PLXNA2: variants seen among roughly 807,000 people sequenced by gnomAD.
PLXNA2 encodes the protein plexin A2.
Under a neutral mutation model 193.5 loss-of-function variants are expected in PLXNA2, and 91 were observed. That is an observed-to-expected ratio of 0.47 (90% confidence interval 0.40 to 0.56). PLXNA2 has a LOEUF of 0.56. Among genes scored for constraint, PLXNA2 ranks in the 20% least tolerant of loss-of-function variants. PLXNA2 has a pLI of 0.00. For synonymous variants in PLXNA2, 997 were observed against 1,027.3 expected, an observed-to-expected ratio of 0.97 and a Z score of 0.56; for missense variants, 1,995 against 2,503.2, an observed-to-expected ratio of 0.80 and a Z score of 4.33.
At chr1:208,110,906 C>T (rs986859256) in intron 4 of PLXNA2, among the ~76,000 whole-genome samples, 4 of 152,188 alleles carry the variant, frequency 2.6e-5, no homozygotes, top group African/African-American at 7.2e-5. Context: ...CAGGTTCACC[C>T]GCCTGACCAC....
At chr1:208,048,154 C>G (rs1161779428) in intron 17 of PLXNA2, among the ~76,000 whole-genome samples, 2 of 152,176 alleles carry the variant, frequency 1.3e-5, no homozygotes, top group East Asian at 3.9e-4. Context: ...CACTCCCAAG[C>G]AAGAGGCCTC....
intron 3 of PLXNA2, among the ~76,000 whole-genome samples, chr1:208,180,583 G>A (rs770647969): frequency 5.9e-5 from 9 of 152,176 alleles, no homozygotes; most frequent in Non-Finnish European, 1.2e-4. Flanking sequence ...CTCTGCATCT[G>A]CTTTATGTTG....
chr1:208,034,997 A>T (rs1468353060), intron 26 of PLXNA2, among the ~76,000 whole-genome samples: 3 of 152,228 alleles, frequency 2.0e-5, no homozygotes, highest in African/African-American at 7.2e-5. Flanking sequence ...TAAATAAAAT[A>T]TGTAACATTA....
At chr1:208,090,821 T>C (rs1666682242) in intron 9 of PLXNA2, among the ~76,000 whole-genome samples, 1 of 152,216 alleles carries the variant, frequency 6.6e-6, no homozygotes, top group Non-Finnish European at 1.5e-5. Flanking sequence ...TCTGAGACTG[T>C]GTCTCATACT....
In PLXNA2 at chr1:208,023,314, T is replaced by C. The variant is rs1463949975; in HGVS notation, c.*3929A>G. The stretch of plus-strand genomic sequence containing the variant: ...CTGGAGCAGCTGCTGGATCAGTATT[T>C]ACCAGGAGCAGGTTAATGGGGGCAG... On this transcript the variant is annotated 3_prime_UTR_variant, in exon 32 of 32. Transcript: ENST00000367033. The C allele has an allele frequency of 1.3e-5, 2 of 152,640 alleles. No individual in the cohort carries two copies. Among genetic ancestry groups the C allele is most frequent in the African/African-American group, 4.8e-5 (2 of 41,444 alleles). 9.5% of individuals were successfully genotyped at this position (152,640 alleles called of 1,614,324 possible). A position where few individuals can be genotyped will look rare whatever the true frequency, so the allele number is the denominator to read the frequency against.
At position 208,098,980 on chromosome 1, in the gene PLXNA2, C is replaced by A; in HGVS notation, c.1608-11G>T. On this transcript the variant is annotated splice_polypyrimidine_tract_variant and intron_variant, in intron 5 of 31. Transcript: ENST00000367033. Reference sequence around the variant, plus strand: ...TCCCTGCGGGAGCACCTGCCATAAACACAGATTCACAAGAGGTCAGGCCTC... The same window carrying A: ...TCCCTGCGGGAGCACCTGCCATAAAAACAGATTCACAAGAGGTCAGGCCTC... 6 of 1,612,474 alleles carry A rather than the reference C, an allele frequency of 3.7e-6. No individual in the cohort carries two copies. Among genetic ancestry groups the A allele is most frequent in the Non-Finnish European group, 5.1e-6 (6 of 1,179,864 alleles).
In PLXNA2 at chr1:208,103,134, A is replaced by G; in HGVS notation, c.1607+13T>C. On this transcript the variant is annotated intron_variant, in intron 5 of 31. Transcript: ENST00000367033. Reference sequence around the variant, plus strand: ...TGCATGCCAAACCCTTTTCCAGTATACCCCAAACTTACATGTTGTGCAGGG... The same window carrying G: ...TGCATGCCAAACCCTTTTCCAGTATGCCCCAAACTTACATGTTGTGCAGGG... 2 of 1,599,316 alleles carry G rather than the reference A, an allele frequency of 1.3e-6. No individual in the cohort carries two copies. The highest frequency in any genetic ancestry group is 1.7e-6 in the Non-Finnish European group (2 of 1,166,948).
At position 208,098,945 on chromosome 1, in the gene PLXNA2, T is replaced by C. The variant is rs769186331; in HGVS notation, c.1632A>G (p.Gln544=). The C allele has an allele frequency of 1.9e-6, 3 of 1,613,196 alleles. No homozygotes were observed. Among genetic ancestry groups the C allele is most frequent in the Non-Finnish European group, 2.5e-6 (3 of 1,179,778 alleles). ...HNMCSRRDKC[Q]QAWEPNRFAA... ...CAAATCGATTAGGTTCCCAGGCCTG[T>C]TGGCATTTGTCCCTGCGGGAGCACC... The change falls in exon 6 of 32, where the codon CAA becomes CAG. Residue 544 remains glutamine (Q), a synonymous_variant. Coordinates refer to ENST00000367033, the MANE Select transcript of PLXNA2 (RefSeq NM_025179.4).
intron 1 of PLXNA2, among the ~76,000 whole-genome samples, chr1:208,218,262 C>T (rs1462840369): frequency 6.6e-6 from 1 of 152,136 alleles, no homozygotes; most frequent in East Asian, 1.9e-4. Context: ...CTATTTCTGG[C>T]CCCTTAAGCC....
rs1380822628 is a variant in PLXNA2 at position 208,217,248 on chromosome 1, G to T, written c.675C>A (p.Leu225=). The stretch of plus-strand genomic sequence containing the variant: ...CCAGGGTGTCTGAAGGGATCTTGAT[G>T]AGAGAGGAGACAAAATCGCTGTGTA... The part of the protein sequence containing the change: ...YELHSDFVSS[L]IKIPSDTLAL... The change falls in exon 2 of 32, where the codon CTC becomes CTA. Residue 225 remains leucine, a synonymous_variant. Coordinates refer to ENST00000367033, the MANE Select transcript of PLXNA2 (RefSeq NM_025179.4). The surrounding 1 kb of genome is among the most constrained non-coding windows in gnomAD (Gnocchi z 4.7). The T allele has an allele frequency of 6.2e-7, 1 of 1,614,056 alleles. No individual in the cohort carries two copies.
At chr1:208,111,847 G>A (rs1187684079) in intron 4 of PLXNA2, among the ~76,000 whole-genome samples, 3 of 152,090 alleles carry the variant, frequency 2.0e-5, no homozygotes, top group Non-Finnish European at 2.9e-5. Context: ...TGAAAGTCAC[G>A]TGATCAACAC....
At position 208,045,073 on chromosome 1, in the gene PLXNA2, C is replaced by T. The variant is rs1191187919; in HGVS notation, c.3633G>A (p.Lys1211=). 1.2e-6 allele frequency: 2 copies of T among 1,614,056 alleles called. No individual in the cohort carries two copies. Among genetic ancestry groups the T allele is most frequent in the African/African-American group, 1.3e-5 (1 of 75,008 alleles). The change falls in exon 19 of 32, where the codon AAG becomes AAA. Residue 1211 remains lysine (K), a synonymous_variant. Transcript: ENST00000367033. ...CEPPNLTGQH[K]VMVHVGGMVF... ...AGACGCAGGGCTCACTCACCATGAC[C>T]TTGTGCTGCCCGGTGAGGTTGGGAG...
chr1:208,222,387 T>C (rs1467381914), intron 1 of PLXNA2, among the ~76,000 whole-genome samples: 1 of 152,180 alleles, frequency 6.6e-6, no homozygotes, highest in Non-Finnish European at 1.5e-5. Flanking sequence ...TCAAACCAGG[T>C]ATGCTGCTCC....
intron 8 of PLXNA2, among the ~76,000 whole-genome samples, chr1:208,093,533 GA>G (rs1666780089): frequency 6.6e-6 from 1 of 152,158 alleles, no homozygotes; most frequent in Non-Finnish European, 1.5e-5. Flanking sequence ...AAATGGTTTC[GA>G]AAAATGCCAT....
chr1:208,168,128 G>A (rs1252174375), intron 3 of PLXNA2, among the ~76,000 whole-genome samples: 1 of 151,868 alleles, frequency 6.6e-6, no homozygotes, highest in Non-Finnish European at 1.5e-5. Flanking sequence ...CTACTTATGT[G>A]GAAAGTAGGG....
chr1:208,220,113 G>A (rs1485789816), intron 1 of PLXNA2, among the ~76,000 whole-genome samples: 1 of 152,204 alleles, frequency 6.6e-6, no homozygotes, highest in East Asian at 1.9e-4. Context: ...GAGGAGCCGC[G>A]AGGGGAGGAA....
chr1:208,097,535 A>G (rs1666938872), intron 6 of PLXNA2, among the ~76,000 whole-genome samples: 1 of 152,158 alleles, frequency 6.6e-6, no homozygotes. Flanking sequence ...GATGTCTGCT[A>G]TTACCTATGG....
intron 9 of PLXNA2, among the ~76,000 whole-genome samples, chr1:208,086,363 G>A (rs986339385): frequency 2.6e-5 from 4 of 151,974 alleles, no homozygotes; most frequent in Non-Finnish European, 5.9e-5. Context: ...GGTAAAGCCT[G>A]CCTTCTGGGC....
Position 208,028,762 on chromosome 1 carries a change from T to C in PLXNA2, c.5438+68A>G, listed in dbSNP as rs1329365708. On this transcript the variant is annotated intron_variant, in intron 30 of 31. Transcript: ENST00000367033. The surrounding 1 kb of genome is among the most constrained non-coding windows in gnomAD (Gnocchi z 4.2). ...CACCGTCGTCTGAGTCCTTAGTCAG[T>C]GATGACTATAGAGCGGGGAATGGGC... is the stretch of plus-strand genomic sequence containing the variant. 1 of 1,399,496 alleles carries C rather than the reference T, an allele frequency of 7.1e-7. No homozygotes were observed. The highest frequency in any genetic ancestry group is 9.9e-7 in the Non-Finnish European group (1 of 1,007,516). 86.7% of individuals were successfully genotyped at this position (1,399,496 alleles called of 1,614,324 possible). A position where few individuals can be genotyped will look rare whatever the true frequency, so the allele number is the denominator to read the frequency against.
Sources: gnomAD v4.1 joint callset for allele counts (sites outside exome capture counted in the v4.1 genomes callset) on GRCh38, gnomAD v4.1.1 for gene constraint, Gnocchi (gnomAD v3.1) non-coding constraint, MANE v1.5 for transcripts, NCBI Gene and HGNC (gene_info 2026-07-23, HGNC 2026-07-21) for gene names.